The following HSPBP1 variants were observed in gnomAD, a reference collection of about 807,000 sequenced individuals.
The protein encoded by HSPBP1 is hsp70-binding protein 1.
Under a neutral mutation model 41.7 loss-of-function variants are expected in HSPBP1, and 31 were observed. The observed-to-expected ratio is 0.74, with a 90% CI of 0.56 to 1.00. The LOEUF is 1.00. Among genes scored for constraint, HSPBP1 ranks in the 50% least tolerant of loss-of-function variants. HSPBP1 has a pLI of 0.00. For synonymous variants in HSPBP1, 199 were observed against 214.4 expected, an observed-to-expected ratio of 0.93 and a Z score of 0.63; for missense variants, 439 against 487.9, an observed-to-expected ratio of 0.90 and a Z score of 0.94.
In HSPBP1 at chr19:55,278,742, C is replaced by T. The variant is rs549236063; in HGVS notation, c.210+657G>A. Among the ~76,000 whole-genome samples, 577 of 152,236 alleles carry T rather than the reference C, an allele frequency of 3.8e-3. 6 individuals carry two copies. Among genetic ancestry groups the T allele is most frequent in the African/African-American group, 0.013 (554 of 41,536 alleles). On this transcript the variant is annotated intron_variant, in intron 2 of 7. Coordinates refer to ENST00000433386, the MANE Select transcript of HSPBP1 (RefSeq NM_012267.5). ...CAGCCTGGCCAATGTAGTGAAACCC[C>T]TTCTCTACTAAAAATACGAAAATTA...
intron 7 of HSPBP1, among the ~76,000 whole-genome samples, chr19:55,264,945 G>A (rs1419569515): frequency 6.6e-6 from 1 of 151,948 alleles, no homozygotes; most frequent in Non-Finnish European, 1.5e-5. Context: ...GGTCTAACCT[G>A]GGGAATTCCT....
chr19:55,272,247 C>G lies in HSPBP1; in HGVS notation c.640+2151G>C, dbSNP rs1343991117. On this transcript the variant is annotated intron_variant, in intron 4 of 7. Coordinates refer to ENST00000433386, the MANE Select transcript of HSPBP1 (RefSeq NM_012267.5). This position sits in a 1 kb window ranked among gnomAD's most constrained non-coding sequence, Gnocchi z 4.2. Reference sequence around the variant, plus strand: ...CCCAGAGATACAAGGAAACCAGGGACTGTCAGCAGACAGGCGGAGGAAGAG... The same window carrying G: ...CCCAGAGATACAAGGAAACCAGGGAGTGTCAGCAGACAGGCGGAGGAAGAG... 6.6e-6 allele frequency among the ~76,000 whole-genome samples: 1 copy of G among 152,162 alleles called. No homozygotes were observed. Among genetic ancestry groups the G allele is most frequent in the Non-Finnish European group, 1.5e-5 (1 of 68,042 alleles).
intron 4 of HSPBP1, among the ~76,000 whole-genome samples, chr19:55,266,846 A>G (rs948667579): frequency 5.9e-5 from 9 of 152,200 alleles, no homozygotes; most frequent in African/African-American, 2.2e-4. Flanking sequence ...AAGGAAACCT[A>G]TGAGCAGTCA....
chr19:55,263,940 A>G (rs1187405563), intron 7 of HSPBP1, among the ~76,000 whole-genome samples: 2 of 151,596 alleles, frequency 1.3e-5, no homozygotes, highest in African/African-American at 4.9e-5. Flanking sequence ...GGGTGTATAC[A>G]TAAGTCAAAA....
In HSPBP1 at chr19:55,272,973, C is replaced by T. The variant is rs896581531; in HGVS notation, c.640+1425G>A. On this transcript the variant is annotated intron_variant, in intron 4 of 7. Transcript: ENST00000433386. The surrounding 1 kb of genome is among the most constrained non-coding windows in gnomAD (Gnocchi z 4.2). ...TGATGGCTGCACAGCACTGAATACA[C>T]TAAGAAGTACTACGTTGTTTTTCTG... Among the ~76,000 whole-genome samples, 12 of 152,166 alleles carry T rather than the reference C, an allele frequency of 7.9e-5. No homozygotes were observed. The highest frequency in any genetic ancestry group is 2.4e-4 in the African/African-American group (10 of 41,442).
At chr19:55,266,499 TCAC>T (rs2087789815) in intron 4 of HSPBP1, among the ~76,000 whole-genome samples, 14 of 1,728 alleles carry the variant, frequency 8.1e-3, no homozygotes, top group South Asian at 0.016. Context: ...ACCATCACTA[TCAC>T]CATCACCACC....
chr19:55,263,156 G>C (rs1046290630), intron 7 of HSPBP1, among the ~76,000 whole-genome samples: 1 of 152,174 alleles, frequency 6.6e-6, no homozygotes, highest in African/African-American at 2.4e-5. Context: ...GCTTAAAAAA[G>C]TCATTCGCAA....
rs76720832 is a variant in HSPBP1, at chr19:55,267,464, C to CT, written c.641-1179dup. The stretch of plus-strand genomic sequence containing the variant: ...TTGCGCCCGGCTGTGTCATCTCTCT[C>CT]TTTTTTTTTTTTTTGAGACAGAGTC... On this transcript the variant is annotated intron_variant, in intron 4 of 7. Coordinates refer to ENST00000433386, the MANE Select transcript of HSPBP1 (RefSeq NM_012267.5). 7.6e-3 allele frequency among the ~76,000 whole-genome samples: 1,123 copies of CT among 146,852 alleles called. 36 individuals carry two copies. The highest frequency in any genetic ancestry group is 0.053 in the Admixed American group (788 of 14,814).
At chr19:55,279,361 G>A (rs1307308063) in intron 2 of HSPBP1, 38 bp downstream of exon 2, 1 of 1,544,580 alleles carries the variant, frequency 6.5e-7, no homozygotes, top group South Asian at 1.2e-5. Flanking sequence ...TCTGTCCCCA[G>A]GCCCCTCACC....
intron 7 of HSPBP1, among the ~76,000 whole-genome samples, chr19:55,264,997 A>ACCCTGT (rs1172487385): frequency 8.1e-6 from 1 of 123,992 alleles, no homozygotes; most frequent in East Asian, 2.3e-4. Flanking sequence ...TCCTCCTCAC[A>ACCCTGT]CCCTGTCCCT....
At chr19:55,277,951 A>G in intron 2 of HSPBP1, 105 bp from the exon 3 acceptor site, 1 of 976,950 alleles carries the variant, frequency 1.0e-6, no homozygotes, top group South Asian at 1.7e-5. Flanking sequence ...ATGTTCCTTC[A>G]GTCAACAAAT....
At position 55,273,961 on chromosome 19, in the gene HSPBP1, G is replaced by T. The variant is rs530123074; in HGVS notation, c.640+437C>A. Among the ~76,000 whole-genome samples the T allele has an allele frequency of 3.2e-4, 48 of 152,176 alleles. 2 individuals carry two copies. In the South Asian group the frequency reaches 1.0e-2, roughly 32 times the overall value. On this transcript the variant is annotated intron_variant, in intron 4 of 7. Transcript: ENST00000433386. ...GAAGAAGAATTCATGTACAGCAGGG[G>T]TTCTGACCAAGGGGCTTTCTACATC...
Position 55,266,120 on chromosome 19 carries a change from G to A in HSPBP1, c.796+11C>T, listed in dbSNP as rs751611348. On this transcript the variant is annotated intron_variant, in intron 5 of 7. Transcript: ENST00000433386. ...CTCCCCACTCCTGCCCTCACTCAAG[G>A]GCTGCCACACCTTTGTGTTCAGGGT... is the stretch of plus-strand genomic sequence containing the variant. 4 of 1,600,202 alleles carry A rather than the reference G, an allele frequency of 2.5e-6. No individual in the cohort carries two copies. Among genetic ancestry groups the A allele is most frequent in the Non-Finnish European group, 2.6e-6 (3 of 1,173,660 alleles).
chr19:55,278,137 C>T (rs1174063359), intron 2 of HSPBP1, among the ~76,000 whole-genome samples: 2 of 152,250 alleles, frequency 1.3e-5, no homozygotes, highest in East Asian at 1.9e-4. Flanking sequence ...ATCCCAGCTA[C>T]TCGGGAGGCT....
In HSPBP1 at chr19:55,262,698, G is replaced by A; in HGVS notation, c.1006-16C>T. ...CCAGCTCCTCCTGGATTGGGCAGGGGCAGGGAGCAAGGGGCCTGAGTGCAG... is the reference window on the plus strand; with the variant it reads ...CCAGCTCCTCCTGGATTGGGCAGGGACAGGGAGCAAGGGGCCTGAGTGCAG... On this transcript the variant is annotated splice_polypyrimidine_tract_variant and intron_variant, in intron 7 of 7. Transcript: ENST00000433386. The A allele has an allele frequency of 6.2e-7, 1 of 1,609,782 alleles. No homozygotes were observed. Among genetic ancestry groups the A allele is most frequent in the Non-Finnish European group, 8.5e-7 (1 of 1,177,958 alleles).
chr19:55,265,796 G>T, intron 6 of HSPBP1, 90 bp downstream of exon 6: 1 of 814,992 alleles, frequency 1.2e-6, no homozygotes, highest in Non-Finnish European at 1.9e-6. Context: ...CCCAACTCCT[G>T]AGTCCCTACG....
chr19:55,275,873 G>A (rs937301905), intron 3 of HSPBP1, among the ~76,000 whole-genome samples: 17 of 151,722 alleles, frequency 1.1e-4, no homozygotes, highest in Admixed American at 2.6e-4. Context: ...GTTTGAACCC[G>A]GGAGGCACAG....
In HSPBP1 at chr19:55,270,285, T is replaced by A. The variant is rs1000419104; in HGVS notation, c.641-3999A>T. ...TGAGGCCGCTCACGCAGCCCGAGCT[T>A]CCTGCCAACTGCCAGCAAAACTCTG... is the stretch of plus-strand genomic sequence containing the variant. On this transcript the variant is annotated intron_variant, in intron 4 of 7. Coordinates refer to ENST00000433386, the MANE Select transcript of HSPBP1 (RefSeq NM_012267.5). The surrounding 1 kb of genome is among the most constrained non-coding windows in gnomAD (Gnocchi z 5.4). Among the ~76,000 whole-genome samples, 4 of 152,180 alleles carry A rather than the reference T, an allele frequency of 2.6e-5. No homozygotes were observed. The highest frequency in any genetic ancestry group is 5.9e-5 in the Non-Finnish European group (4 of 68,034).
At chr19:55,275,991 C>T (rs930599875) in intron 3 of HSPBP1, among the ~76,000 whole-genome samples, 1 of 150,238 alleles carries the variant, frequency 6.7e-6, no homozygotes, top group African/African-American at 2.5e-5. Flanking sequence ...ATGACATGCA[C>T]CTGTAATCCC....
Sources: gnomAD v4.1 joint callset for allele counts (sites outside exome capture counted in the v4.1 genomes callset) on GRCh38, gnomAD v4.1.1 for gene constraint, Gnocchi (gnomAD v3.1) non-coding constraint, MANE v1.5 for transcripts, NCBI Gene and HGNC (gene_info 2026-07-23, HGNC 2026-07-21) for gene names.